Variants in SLC35A5 observed in about 807,000 individuals in gnomAD.
The protein encoded by SLC35A5 is UDP-sugar transporter protein SLC35A5.
A neutral mutation model predicts 36.3 loss-of-function variants in SLC35A5; 28 were observed. The ratio of observed to expected loss-of-function variants is 0.77; its 90% CI spans 0.57 to 1.06. SLC35A5 has a LOEUF of 1.06. Among genes scored for constraint, SLC35A5 ranks in the 50% least tolerant of loss-of-function variants. The pLI, the probability that SLC35A5 is intolerant of heterozygous loss-of-function variation, is 0.00. For missense variants in SLC35A5, 521 were observed against 499.3 expected, an observed-to-expected ratio of 1.04 and a Z score of -0.41; for synonymous variants, 180 against 173.7, an observed-to-expected ratio of 1.04 and a Z score of -0.29.
At chr3:112,568,864 C>A (rs1341610865) in intron 2 of SLC35A5, among the ~76,000 whole-genome samples, 1 of 152,170 alleles carries the variant, frequency 6.6e-6, no homozygotes, top group Non-Finnish European at 1.5e-5. Flanking sequence ...AGCAGGCAGC[C>A]TCTGATGCCA....
chr3:112,572,125 GT>G (rs1329375189), intron 4 of SLC35A5, among the ~76,000 whole-genome samples: 1 of 149,202 alleles, frequency 6.7e-6, no homozygotes, highest in Non-Finnish European at 1.5e-5. Flanking sequence ...TGTATTTTTA[GT>G]AGAGACGGGG....
chr3:112,568,256 T>C (rs1175859670), intron 2 of SLC35A5, among the ~76,000 whole-genome samples: 1 of 152,222 alleles, frequency 6.6e-6, no homozygotes, highest in Non-Finnish European at 1.5e-5. Flanking sequence ...AAGAAAGTGT[T>C]CTGGATAGAC....
intron 5 of SLC35A5, among the ~76,000 whole-genome samples, chr3:112,575,679 C>G (rs929978772): frequency 2.6e-4 from 40 of 151,188 alleles, no homozygotes; most frequent in African/African-American, 9.2e-4. Flanking sequence ...TAACATCTCT[C>G]TGTTTTGAGT....
chr3:112,577,410 T>A (rs1278965571), intron 5 of SLC35A5, among the ~76,000 whole-genome samples: 1 of 152,194 alleles, frequency 6.6e-6, no homozygotes, highest in African/African-American at 2.4e-5. Flanking sequence ...ATTCAAACTT[T>A]ATGTGAATGT....
intron 5 of SLC35A5, among the ~76,000 whole-genome samples, chr3:112,578,867 G>A (rs1046985696): frequency 6.6e-6 from 1 of 151,572 alleles, no homozygotes. Context: ...TTTGTAAAAT[G>A]GACACCCATT....
chr3:112,572,341 T>C (rs1334466283), intron 4 of SLC35A5, among the ~76,000 whole-genome samples: 1 of 151,836 alleles, frequency 6.6e-6, no homozygotes, highest in Non-Finnish European at 1.5e-5. Flanking sequence ...AATAATAATA[T>C]ACTAGTTCAA....
intron 4 of SLC35A5, among the ~76,000 whole-genome samples, chr3:112,572,061 G>T (rs916818010): frequency 3.8e-4 from 56 of 146,828 alleles, no homozygotes; most frequent in Non-Finnish European, 7.1e-4. Context: ...TCCTGCCTCA[G>T]CCTCCCGAGT....
rs762202342 is a variant in SLC35A5 at position 112,580,580 on chromosome 3, C to T, written c.463C>T (p.Leu155=). 48 of 1,613,752 alleles carry T rather than the reference C, an allele frequency of 3.0e-5. No homozygotes were observed. The South Asian group carries it at 5.2e-4, about 17-fold the overall frequency. Residue 155 remains leucine, a synonymous_variant, in exon 6 of 7, where the codon CTG becomes TTG. Coordinates refer to ENST00000492406, the MANE Select transcript of SLC35A5 (RefSeq NM_017945.5). ...RLNWIQWASL[L]TLFLSIVALT... Reference sequence around the variant, plus strand: ...AAACTGGATCCAGTGGGCTTCCCTCCTGACTTTATTTTTGTCTATTGTGGC... The same window carrying T: ...AAACTGGATCCAGTGGGCTTCCCTCTTGACTTTATTTTTGTCTATTGTGGC...
rs1432885592 is a variant in SLC35A5 at position 112,583,876 on chromosome 3, AT to A, written c.*1142del. 2.6e-5 allele frequency: 4 copies of A among 152,174 alleles called. No individual in the cohort carries two copies. Among genetic ancestry groups the A allele is most frequent in the African/African-American group, 4.8e-5 (2 of 41,438 alleles). The allele number at this position is 152,174 out of a possible 1,614,324, so 9.4% of individuals were successfully genotyped here. On this transcript the variant is annotated 3_prime_UTR_variant, in exon 7 of 7. Coordinates refer to ENST00000492406, the MANE Select transcript of SLC35A5 (RefSeq NM_017945.5). ...AGTCAGGTGATAGATGATATTAAAA[AT>A]TAGCAAACAAAAGTGACTTGCTCAG...
At chr3:112,580,486 T>C in intron 5 of SLC35A5, 60 bp from the exon 6 acceptor site, 1 of 1,496,964 alleles carries the variant, frequency 6.7e-7, no homozygotes. Context: ...GAGTTTTCAG[T>C]AGAAACTATT....
intron 3 of SLC35A5, 47 bp downstream of exon 3, chr3:112,569,316 A>G (rs1268682330): frequency 7.0e-7 from 1 of 1,434,590 alleles, no homozygotes; most frequent in Admixed American, 1.8e-5. Context: ...TAGGACCAAA[A>G]AATGTTAGAA....
intron 3 of SLC35A5, 113 bp from the exon 4 acceptor site, chr3:112,570,427 G>T (rs1238299859): frequency 4.5e-5 from 53 of 1,182,942 alleles, no homozygotes; most frequent in Non-Finnish European, 6.0e-5. Context: ...TGAAATGGAG[G>T]CACGTTTATA....
At chr3:112,562,757 T>G (rs1487545296) in intron 1 of SLC35A5, among the ~76,000 whole-genome samples, 1 of 152,168 alleles carries the variant, frequency 6.6e-6, no homozygotes, top group Admixed American at 6.5e-5. Flanking sequence ...ACAGCAAAAT[T>G]ATTTACTAAT....
rs369182750 is a variant in SLC35A5 at position 112,563,439 on chromosome 3, C to T, written c.36C>T (p.Cys12=). The part of the protein sequence containing the change: ...EKQCCSHPVI[C]SLSTMYTFLL... ...AGTGCTGTAGTCATCCTGTAATATG[C>T]TCCTTGTCAACAATGTATACATTCC... is the stretch of plus-strand genomic sequence containing the variant. Residue 12 remains cysteine, a synonymous_variant, in exon 2 of 7, where the codon TGC becomes TGT. Transcript: ENST00000492406. The T allele has an allele frequency of 2.5e-6, 4 of 1,591,110 alleles. No individual in the cohort carries two copies. Among genetic ancestry groups the T allele is most frequent in the Non-Finnish European group, 3.4e-6 (4 of 1,162,492 alleles).
chr3:112,580,889 AACC>A lies in SLC35A5; in HGVS notation c.774_776del (p.Asn258_Gln259delinsLys), dbSNP rs1934881470. The A allele has an allele frequency of 1.9e-6, 3 of 1,614,032 alleles. No individual in the cohort carries two copies. The highest frequency in any genetic ancestry group is 2.5e-6 in the Non-Finnish European group (3 of 1,180,000). On this transcript the variant is annotated inframe_deletion, in exon 6 of 7. Coordinates refer to ENST00000492406, the MANE Select transcript of SLC35A5 (RefSeq NM_017945.5). The stretch of plus-strand genomic sequence containing the variant: ...TAATGAAAAGATACTGAAGGAAGGG[AACC>A]AGCTCACTGAAAGCATCTTCATACA...
In SLC35A5 at chr3:112,562,544, TG is replaced by T. The variant is rs139803100; in HGVS notation, c.-20+272del. On this transcript the variant is annotated intron_variant, in intron 1 of 6. Coordinates refer to ENST00000492406, the MANE Select transcript of SLC35A5 (RefSeq NM_017945.5). ...GTTACTTACCCAACCTGGGGTTTAG[TG>T]TCCTCAGCCTATCAAAAGAGGGCCT... Among the ~76,000 whole-genome samples, 13 of 152,352 alleles carry T rather than the reference TG, an allele frequency of 8.5e-5. No individual in the cohort carries two copies. In the East Asian group the frequency reaches 2.5e-3, roughly 29 times the overall value.
upstream of SLC35A5, chr3:112,561,631 A>G: frequency 8.2e-7 from 1 of 1,224,446 alleles, no homozygotes; most frequent in Non-Finnish European, 1.1e-6. Context: ...GACTCGCATC[A>G]GCACCCGGCT....
chr3:112,562,697 T>C (rs1369077848), intron 1 of SLC35A5, among the ~76,000 whole-genome samples: 1 of 152,248 alleles, frequency 6.6e-6, no homozygotes, highest in Admixed American at 6.5e-5. Flanking sequence ...AATAAGCTTT[T>C]TCCTCCGAGG....
chr3:112,582,565 C>G, intron 6 of SLC35A5, 106 bp from the exon 7 acceptor site: 1 of 719,000 alleles, frequency 1.4e-6, no homozygotes, highest in Non-Finnish European at 2.4e-6. Context: ...CAGATTATAT[C>G]TATAGCTTAA....
Sources: gnomAD v4.1 joint callset for allele counts (sites outside exome capture counted in the v4.1 genomes callset) on GRCh38, gnomAD v4.1.1 for gene constraint, MANE v1.5 for transcripts, NCBI Gene and HGNC (gene_info 2026-07-23, HGNC 2026-07-21) for gene names.